HK2: variants seen among roughly 807,000 people sequenced by gnomAD.
The protein encoded by HK2 is hexokinase-2.
A neutral mutation model predicts 92.9 loss-of-function variants in HK2; 42 were observed. The ratio of observed to expected loss-of-function variants is 0.45; its 90% CI spans 0.35 to 0.58. HK2 has a LOEUF of 0.58. HK2 is among the 20% of genes least tolerant of loss of function. The probability of loss-of-function intolerance (pLI) is 0.00; values close to 1 mark genes in which losing one functional copy is unlikely to be tolerated. For synonymous variants in HK2, 422 were observed against 468.0 expected, an observed-to-expected ratio of 0.90 and a Z score of 1.27; for missense variants, 978 against 1,245.1, an observed-to-expected ratio of 0.79 and a Z score of 3.23.
intron 1 of HK2, among the ~76,000 whole-genome samples, chr2:74,844,242 C>G (rs887823782): frequency 1.3e-5 from 2 of 152,218 alleles, no homozygotes; most frequent in Non-Finnish European, 2.9e-5. Context: ...TACTAAGGGA[C>G]CAGCCCAAGC....
intron 3 of HK2, among the ~76,000 whole-genome samples, chr2:74,869,531 G>A (rs186179182): frequency 1.3e-5 from 2 of 152,174 alleles, no homozygotes; most frequent in African/African-American, 2.4e-5. Context: ...GGGGTCCTTC[G>A]GTAAAGTCTG....
In HK2 at chr2:74,854,296, G is replaced by T; in HGVS notation, c.67G>T (p.Asp23Tyr). The T allele has an allele frequency of 1.9e-6, 3 of 1,612,198 alleles. No individual in the cohort carries two copies. The South Asian group carries it at 3.3e-5, about 18-fold the overall frequency. The change falls in exon 2 of 18, where the codon GAC becomes TAC. Residue 23 changes from aspartate to tyrosine, a missense_variant. Asp to Tyr is a radical substitution (Grantham distance 160, BLOSUM62 -3). Around this residue, in one of 3 missense-constraint regions of HK2, gnomAD observed 47 missense variants for 33.1 expected, o/e 1.42. Coordinates refer to ENST00000290573, the MANE Select transcript of HK2 (RefSeq NM_000189.5). ...TCTTGTCTTCCTCCTTTTTCAGGTTGACCAGTATCTCTACCACATGCGCCT... is the reference window on the plus strand; with the variant it reads ...TCTTGTCTTCCTCCTTTTTCAGGTTTACCAGTATCTCTACCACATGCGCCT... Reference protein sequence around the residue: ...ELNHDQVQKVDQYLYHMRLSD... With the variant: ...ELNHDQVQKVYQYLYHMRLSD...
In HK2 at chr2:74,891,161, G is replaced by A. The variant is rs1689668949; in HGVS notation, c.*220G>A. 1 of 576,974 alleles carries A rather than the reference G, an allele frequency of 1.7e-6. No individual in the cohort carries two copies. The highest frequency in any genetic ancestry group is 3.0e-5 in the Admixed American group (1 of 33,374). The allele number at this position is 576,974 out of a possible 1,614,324, so 35.7% of individuals were successfully genotyped here. On this transcript the variant is annotated 3_prime_UTR_variant, in exon 18 of 18. Coordinates refer to ENST00000290573, the MANE Select transcript of HK2 (RefSeq NM_000189.5). ...GTTCCAAATAAGGATTTGTTCACAT[G>A]CATCATAACCATTCCCATTGGTTCT...
chr2:74,854,262 G>A (rs764021667), intron 1 of HK2, 31 bp from the exon 2 acceptor site: 28 of 1,608,824 alleles, frequency 1.7e-5, no homozygotes, highest in Non-Finnish European at 2.2e-5. Flanking sequence ...TTTAACCAGT[G>A]GTTTCTGCTC....
chr2:74,858,366 G>A (rs770189563), intron 2 of HK2, among the ~76,000 whole-genome samples: 4 of 152,164 alleles, frequency 2.6e-5, no homozygotes, highest in Admixed American at 6.5e-5. Context: ...GACAGTGTGG[G>A]GTGAGAGGTG....
chr2:74,870,896 C>T (rs2103950636), intron 3 of HK2, among the ~76,000 whole-genome samples: 1 of 152,284 alleles, frequency 6.6e-6, no homozygotes, highest in East Asian at 1.9e-4. Flanking sequence ...GAGGGACAGA[C>T]AGAATGGATG....
intron 12 of HK2, among the ~76,000 whole-genome samples, chr2:74,883,446 A>G (rs187665561): frequency 6.6e-6 from 1 of 152,208 alleles, no homozygotes; most frequent in African/African-American, 2.4e-5. Context: ...CAGGCTGCCC[A>G]TTGTGGAGAG....
intron 13 of HK2, 121 bp downstream of exon 13, chr2:74,885,710 C>T (rs777713629): frequency 2.7e-6 from 2 of 753,012 alleles, no homozygotes; most frequent in African/African-American, 1.7e-5. Context: ...AAGATTAACT[C>T]AAGCGTCGTT....
Position 74,834,532 on chromosome 2 carries a change from C to G in HK2, c.-49C>G. On this transcript the variant is annotated 5_prime_UTR_variant, in exon 1 of 18. Coordinates refer to ENST00000290573, the MANE Select transcript of HK2 (RefSeq NM_000189.5). This position sits in a 1 kb window ranked among gnomAD's most constrained non-coding sequence, Gnocchi z 4.2. ...GGACCGCGCCGCCCGCCTCCCCTCTCGCGTCTCCGCCTCGGTTTCCCAACT... is the reference window on the plus strand; with the variant it reads ...GGACCGCGCCGCCCGCCTCCCCTCTGGCGTCTCCGCCTCGGTTTCCCAACT... The G allele has an allele frequency of 6.3e-7, 1 of 1,597,454 alleles. No individual in the cohort carries two copies. The highest frequency in any genetic ancestry group is 8.6e-7 in the Non-Finnish European group (1 of 1,165,178).
chr2:74,872,220 G>T (rs543155223), intron 3 of HK2, 80 bp from the exon 4 acceptor site: 3 of 1,443,114 alleles, frequency 2.1e-6, no homozygotes, highest in South Asian at 1.2e-5. Context: ...AGCTAGTTAC[G>T]TGCTGAGCCT....
At chr2:74,878,429 G>A (rs1395672029) in intron 8 of HK2, among the ~76,000 whole-genome samples, 1 of 151,044 alleles carries the variant, frequency 6.6e-6, no homozygotes, top group African/African-American at 2.5e-5. Flanking sequence ...GTGTGTGTGT[G>A]TGTGTGTGTG....
chr2:74,874,534 T>G, intron 7 of HK2, 85 bp downstream of exon 7: 1 of 1,298,032 alleles, frequency 7.7e-7, no homozygotes, highest in Non-Finnish European at 1.1e-6. Context: ...GGTTGTTTCT[T>G]TACAGTCTTA....
In HK2 at chr2:74,837,672, CTT is replaced by C. The variant is rs894014535; in HGVS notation, c.63+3050_63+3051del. Among the ~76,000 whole-genome samples the C allele has an allele frequency of 8.3e-3, 863 of 104,086 alleles. 7 individuals carry two copies. Among genetic ancestry groups the C allele is most frequent in the African/African-American group, 0.028 (771 of 27,092 alleles). The allele number at this position is 104,086 out of a possible 152,430, so 68.3% of individuals were successfully genotyped here. A position where few individuals can be genotyped will look rare whatever the true frequency, so the allele number is the denominator to read the frequency against. On this transcript the variant is annotated intron_variant, in intron 1 of 17. Coordinates refer to ENST00000290573, the MANE Select transcript of HK2 (RefSeq NM_000189.5). ...TCACACTAGGTCCTTTTGCCCTTGT[CTT>C]TTTTTTTTTTTTTTTTTTTTGAGAC...
intron 9 of HK2, 43 bp from the exon 10 acceptor site, chr2:74,880,222 T>A: frequency 6.2e-7 from 1 of 1,609,396 alleles, no homozygotes; most frequent in Non-Finnish European, 8.5e-7. Flanking sequence ...CCATTGACCC[T>A]AACCATGGAC....
At chr2:74,861,230 GCCAACATGTTGAAACC>G (rs1688817526) in intron 2 of HK2, among the ~76,000 whole-genome samples, 1 of 152,126 alleles carries the variant, frequency 6.6e-6, no homozygotes, top group South Asian at 2.1e-4. Context: ...GACCAGCCTG[GCCAACATGTTGAAACC>G]CCATCTCTAC....
chr2:74,874,235 G>T (rs965840396), intron 6 of HK2, 31 bp from the exon 7 acceptor site: 1 of 1,613,554 alleles, frequency 6.2e-7, no homozygotes, highest in Non-Finnish European at 8.5e-7. Context: ...GCCGGAGCAG[G>T]CGTGTGCATA....
intron 1 of HK2, among the ~76,000 whole-genome samples, chr2:74,851,044 A>AT (rs1385783919): frequency 7.3e-6 from 1 of 136,056 alleles, no homozygotes; most frequent in Non-Finnish European, 1.6e-5. Flanking sequence ...TAGTCTCCTC[A>AT]TGTGATGGAG....
rs985236183 is a variant in HK2, at chr2:74,860,122, C to T, written c.226+5667C>T. On this transcript the variant is annotated intron_variant, in intron 2 of 17. Coordinates refer to ENST00000290573, the MANE Select transcript of HK2 (RefSeq NM_000189.5). ...AAGTGGGAGCTAAACAGTGTGTCCA[C>T]ATGGACATAGAAAGTGGAATGATAG... Among the ~76,000 whole-genome samples, 6 of 144,232 alleles carry T rather than the reference C, an allele frequency of 4.2e-5. 1 individual carries two copies. Among genetic ancestry groups the T allele is most frequent in the South Asian group, 4.3e-4 (2 of 4,612 alleles). The allele number at this position is 144,232 out of a possible 152,430, so 94.6% of individuals were successfully genotyped here. A position where few individuals can be genotyped will look rare whatever the true frequency, so the allele number is the denominator to read the frequency against.
At chr2:74,868,726 A>G (rs2103941520) in intron 3 of HK2, among the ~76,000 whole-genome samples, 1 of 152,368 alleles carries the variant, frequency 6.6e-6, no homozygotes, top group Middle Eastern at 3.4e-3. Context: ...CAGATGATAA[A>G]TGTTTAAGAA....
Sources: gnomAD v4.1 joint callset for allele counts (sites outside exome capture counted in the v4.1 genomes callset) on GRCh38, gnomAD v4.1.1 for gene constraint, gnomAD v4.1.1 regional missense constraint, Gnocchi (gnomAD v3.1) non-coding constraint, MANE v1.5 for transcripts, NCBI Gene and HGNC (gene_info 2026-07-23, HGNC 2026-07-21) for gene names.